The following APBB1IP variants were observed in gnomAD, a reference collection of about 807,000 sequenced individuals.
APBB1IP encodes the protein amyloid beta A4 precursor protein-binding family B member 1-interacting protein.
APBB1IP carries 27 observed loss-of-function variants against 64.9 expected under a neutral mutation model. The ratio of observed to expected loss-of-function variants is 0.42; its 90% confidence interval spans 0.31 to 0.57. The LOEUF is 0.57. APBB1IP is among the 20% of genes least tolerant of loss of function. The pLI, the probability that APBB1IP is intolerant of heterozygous loss-of-function variation, is 0.20. For synonymous variants in APBB1IP, 392 were observed against 331.0 expected (o/e 1.18, Z -2.00); for missense variants, 812 against 845.5 (o/e 0.96, Z 0.49).
chr10:26,488,835 AC>A (rs1564358817), intron 2 of APBB1IP, among the ~76,000 whole-genome samples: 1 of 152,156 alleles, frequency 6.6e-6, no homozygotes, highest in Non-Finnish European at 1.5e-5. Context: ...TTGCTTCTAT[AC>A]CTGGGTGCTC....
At chr10:26,562,083 T>C (rs1364661427) in intron 13 of APBB1IP, 3 of 405,674 alleles carry the variant, frequency 7.4e-6, no homozygotes, top group African/African-American at 4.1e-5. Context: ...CCTGATCTTT[T>C]TGCTGAATCT....
chr10:26,566,997 G>T lies in APBB1IP; in HGVS notation c.1510G>T (p.Ala504Ser), dbSNP rs1837053962. 5 of 1,579,530 alleles carry T rather than the reference G, an allele frequency of 3.2e-6. No homozygotes were observed. The highest frequency in any genetic ancestry group is 4.3e-6 in the Non-Finnish European group (5 of 1,171,820). Residue 504 changes from alanine to serine, a missense_variant, in exon 15 of 15, where the codon GCA becomes TCA. Ala to Ser is a moderately conservative substitution (Grantham distance 99). Around this residue, in one of 3 missense-constraint regions of APBB1IP, gnomAD observed 381 missense variants for 352.1 expected, o/e 1.08. Coordinates refer to ENST00000376236, the MANE Select transcript of APBB1IP (RefSeq NM_019043.4). ...KPALGNHHDP[A>S]VPRAPHAPKS... ...AGCCCTCGGGAACCACCACGACCCGGCAGTGCCCCGGGCCCCGCACGCCCC... is the reference window on the plus strand; with the variant it reads ...AGCCCTCGGGAACCACCACGACCCGTCAGTGCCCCGGGCCCCGCACGCCCC...
chr10:26,450,898 A>G (rs1288578086), intron 2 of APBB1IP, among the ~76,000 whole-genome samples: 1 of 151,956 alleles, frequency 6.6e-6, no homozygotes, highest in East Asian at 1.9e-4. Context: ...GTATCACTAT[A>G]TTGGTCAGGC....
At chr10:26,470,975 T>TA in intron 2 of APBB1IP, among the ~76,000 whole-genome samples, 1 of 152,314 alleles carries the variant, frequency 6.6e-6, no homozygotes, top group Admixed American at 6.5e-5. Flanking sequence ...GAGCAACACT[T>TA]ACTGAACTTT....
chr10:26,440,534 T>C (rs948550177), intron 2 of APBB1IP, among the ~76,000 whole-genome samples: 1 of 152,206 alleles, frequency 6.6e-6, no homozygotes, highest in Admixed American at 6.5e-5. Flanking sequence ...TCCATCTTAT[T>C]TGAAAACTGA....
intron 8 of APBB1IP, among the ~76,000 whole-genome samples, chr10:26,531,662 G>A (rs1245516099): frequency 5.3e-5 from 7 of 131,492 alleles, no homozygotes; most frequent in African/African-American, 1.0e-4. Flanking sequence ...GCGAGACCCC[G>A]TCTCAAAAAA....
At chr10:26,517,194 T>C (rs1836342517) in intron 8 of APBB1IP, among the ~76,000 whole-genome samples, 1 of 152,190 alleles carries the variant, frequency 6.6e-6, no homozygotes, top group East Asian at 1.9e-4. Context: ...GCATCTGCAG[T>C]TTGCCATGGT....
At chr10:26,539,316 C>G (rs1328560877) in intron 10 of APBB1IP, among the ~76,000 whole-genome samples, 1 of 151,124 alleles carries the variant, frequency 6.6e-6, no homozygotes, top group Non-Finnish European at 1.5e-5. Flanking sequence ...GGAGGCTGAT[C>G]CGGGAGGATC....
At position 26,567,283 on chromosome 10, in the gene APBB1IP, C is replaced by CG. The variant is rs1837063419; in HGVS notation, c.1796_1797insG (p.Pro601AlafsTer93). ...GCAGGGATCGCGGGCTCAGAGCTGCCCCCGCCGCCGCCGCCGCCGCCCGCG... is the reference window on the plus strand; with the variant it reads ...GCAGGGATCGCGGGCTCAGAGCTGCCGCCCGCCGCCGCCGCCGCCGCCCGCG... On this transcript the variant is annotated frameshift_variant, in exon 15 of 15. Coordinates refer to ENST00000376236, the MANE Select transcript of APBB1IP (RefSeq NM_019043.4). LOFTEE classifies it low-confidence loss of function (END_TRUNC). 1 of 1,127,368 alleles carries CG rather than the reference C, an allele frequency of 8.9e-7. No homozygotes were observed. The highest frequency in any genetic ancestry group is 1.1e-6 in the Non-Finnish European group (1 of 916,954). The allele number at this position is 1,127,368 out of a possible 1,614,324, so 69.8% of individuals were successfully genotyped here. A position where few individuals can be genotyped will look rare whatever the true frequency, so the allele number is the denominator to read the frequency against.
chr10:26,486,613 A>C (rs2132426253), intron 2 of APBB1IP, among the ~76,000 whole-genome samples: 1 of 152,264 alleles, frequency 6.6e-6, no homozygotes, highest in East Asian at 1.9e-4. Context: ...GGCCGCCCTC[A>C]TCCAGGTCCA....
chr10:26,562,042 A>G (rs1836979197), intron 13 of APBB1IP: 2 of 293,856 alleles, frequency 6.8e-6, no homozygotes, highest in South Asian at 3.8e-5. Flanking sequence ...GACCCTCCTC[A>G]GTGGGCTTTA....
rs145390248 is a variant in APBB1IP, at chr10:26,456,701, C to T, written c.-1+17848C>T. Among the ~76,000 whole-genome samples the T allele has an allele frequency of 4.2e-4, 60 of 142,978 alleles. No homozygotes were observed. In the East Asian group the frequency reaches 9.9e-3, roughly 24 times the overall value. 93.8% of individuals were successfully genotyped at this position (142,978 alleles called of 152,430 possible). A position where few individuals can be genotyped will look rare whatever the true frequency, so the allele number is the denominator to read the frequency against. Reference sequence around the variant, plus strand: ...CTGCGATGAGCCGTGATCATGCCACCGCACTCCAGCCTGGGTGACAGAGCA... The same window carrying T: ...CTGCGATGAGCCGTGATCATGCCACTGCACTCCAGCCTGGGTGACAGAGCA... On this transcript the variant is annotated intron_variant, in intron 2 of 14. Transcript: ENST00000376236.
chr10:26,445,433 T>C (rs1366083776), intron 2 of APBB1IP, among the ~76,000 whole-genome samples: 1 of 152,170 alleles, frequency 6.6e-6, no homozygotes, highest in Non-Finnish European at 1.5e-5. Flanking sequence ...TTGTTCTTAA[T>C]AGAGATAGGG....
intron 2 of APBB1IP, among the ~76,000 whole-genome samples, chr10:26,467,762 G>T (rs1589194980): frequency 6.6e-6 from 1 of 152,170 alleles, no homozygotes; most frequent in African/African-American, 2.4e-5. Context: ...GGGTGATGCT[G>T]GTCTGAAGAC....
intron 2 of APBB1IP, among the ~76,000 whole-genome samples, chr10:26,476,001 G>C (rs1835770912): frequency 6.6e-6 from 1 of 152,074 alleles, no homozygotes; most frequent in South Asian, 2.1e-4. Context: ...GCCAAGGCCA[G>C]AGGATCGCTT....
chr10:26,545,954 GA>G (rs887167169), intron 11 of APBB1IP, among the ~76,000 whole-genome samples: 176 of 141,490 alleles, frequency 1.2e-3, no homozygotes, highest in African/African-American at 2.6e-3. Flanking sequence ...TTGTCTCAAA[GA>G]AAAAAAAAAA....
intron 2 of APBB1IP, among the ~76,000 whole-genome samples, chr10:26,475,513 A>G (rs1835765443): frequency 6.6e-6 from 1 of 152,166 alleles, no homozygotes; most frequent in South Asian, 2.1e-4. Context: ...TCCTTCACAC[A>G]ATCCCAGGCC....
intron 2 of APBB1IP, among the ~76,000 whole-genome samples, chr10:26,488,015 C>T (rs1157968974): frequency 6.6e-6 from 1 of 152,138 alleles, no homozygotes. Context: ...AATAATAATT[C>T]ATCTGAAGGA....
rs781492811 is a variant in APBB1IP at position 26,500,856 on chromosome 10, T to A, written c.198T>A (p.Ala66=). Residue 66 remains alanine, a synonymous_variant, in exon 5 of 15, where the codon GCT becomes GCA. Transcript: ENST00000376236. ...CACTGGAAGACCAAGATTTAGATGC[T>A]CTCATGGCAGATCTGGTAGCAGACA... is the stretch of plus-strand genomic sequence containing the variant. ...LNALEDQDLD[A]LMADLVADIS... The A allele has an allele frequency of 1.4e-5, 22 of 1,614,070 alleles. No homozygotes were observed. Among genetic ancestry groups the A allele is most frequent in the Admixed American group, 1.7e-5 (1 of 60,010 alleles).
Sources: allele counts gnomAD v4.1 joint callset (sites outside exome capture counted in the v4.1 genomes callset), GRCh38; gene constraint gnomAD v4.1.1; regional missense constraint gnomAD v4.1.1; transcripts MANE v1.5; gene names NCBI Gene and HGNC (gene_info 2026-07-23, HGNC 2026-07-21).